The following RANBP2 variants were observed in gnomAD, a reference collection of about 807,000 sequenced individuals.
RANBP2 encodes the protein RAN binding protein 2, also known as E3 SUMO-protein ligase RanBP2.
RANBP2 carries 57 observed loss-of-function variants against 303.6 expected under a neutral mutation model. The observed-to-expected ratio is 0.19, with a 90% CI of 0.15 to 0.23. RANBP2 has a LOEUF of 0.23. Among genes scored for constraint, RANBP2 ranks in the 10% least tolerant of loss-of-function variants. The pLI is 1.00. For missense variants in RANBP2, 3,138 were observed against 3,780.8 expected (o/e 0.83, Z 4.46); for synonymous variants, 1,167 against 1,301.5 (o/e 0.90, Z 2.23).
chr2:109,613,863 A>C, the RANBP2 span: 25 of 1,230,862 alleles, frequency 2.0e-5, no homozygotes, highest in Non-Finnish European at 2.3e-5. Flanking sequence ...CGGCTGTATC[A>C]GCCCGGCCCC....
chr2:109,301,227 G>T, the RANBP2 span, among the ~76,000 whole-genome samples: 1 of 152,118 alleles, frequency 6.6e-6, no homozygotes, highest in Non-Finnish European at 1.5e-5. Flanking sequence ...GGGGTTTGCT[G>T]ATCTCTGTGC....
chr2:108,861,147 A>G, the RANBP2 span, among the ~76,000 whole-genome samples: 1 of 149,542 alleles, frequency 6.7e-6, no homozygotes, highest in Non-Finnish European at 1.5e-5. Flanking sequence ...TTTTTTTTAA[A>G]TTTATTTCTG....
At chr2:109,765,496 C>G in the RANBP2 span, among the ~76,000 whole-genome samples, 5 of 150,202 alleles carry the variant, frequency 3.3e-5, no homozygotes, top group African/African-American at 1.2e-4. Flanking sequence ...GAGAATAAGC[C>G]ATACCCATAA....
the RANBP2 span, among the ~76,000 whole-genome samples, chr2:109,320,705 T>A: frequency 2.0e-5 from 3 of 152,220 alleles, no homozygotes; most frequent in Non-Finnish European, 4.4e-5. Flanking sequence ...TCTGTAAAGA[T>A]ATCAGCCCCG....
the RANBP2 span, chr2:108,929,092 G>A: frequency 2.0e-5 from 26 of 1,315,726 alleles, no homozygotes; most frequent in Non-Finnish European, 2.6e-5. Context: ...CGGCTGCACC[G>A]AGGCCTGCAG....
At chr2:109,636,185 C>T in the RANBP2 span, among the ~76,000 whole-genome samples, 1 of 152,206 alleles carries the variant, frequency 6.6e-6, no homozygotes, top group Non-Finnish European at 1.5e-5. Context: ...AATAAATGTC[C>T]GTTGTCTATA....
At chr2:109,131,725 G>A in the RANBP2 span, among the ~76,000 whole-genome samples, 1 of 152,192 alleles carries the variant, frequency 6.6e-6, no homozygotes, top group Non-Finnish European at 1.5e-5. Flanking sequence ...GAACTTTTTA[G>A]TAGTGACATT....
chr2:108,737,860 CCCA>C (rs1377942347), intron 6 of RANBP2, among the ~76,000 whole-genome samples: 1 of 144,370 alleles, frequency 6.9e-6, no homozygotes, highest in African/African-American at 2.6e-5. Context: ...ACTACAGGCG[CCCA>C]CCACCACGCT....
At chr2:109,707,696 C>T in the RANBP2 span, among the ~76,000 whole-genome samples, 2 of 152,206 alleles carry the variant, frequency 1.3e-5, no homozygotes, top group Non-Finnish European at 1.5e-5. Flanking sequence ...GCGCCCATGC[C>T]GGGCTGGTTG....
the RANBP2 span, among the ~76,000 whole-genome samples, chr2:109,104,651 T>G: frequency 4.6e-5 from 7 of 152,038 alleles, no homozygotes; most frequent in Non-Finnish European, 1.0e-4. Context: ...GCCAGGCTAA[T>G]TTTTGTATTT....
At chr2:108,786,635 C>A, downstream of RANBP2, 1 of 623,598 alleles carries the variant, frequency 1.6e-6, no homozygotes, top group Non-Finnish European at 2.9e-6. Context: ...AGTGCTAGCA[C>A]GAGAAACTTG....
At chr2:108,977,202 A>G in the RANBP2 span, among the ~76,000 whole-genome samples, 1 of 152,122 alleles carries the variant, frequency 6.6e-6, no homozygotes. Context: ...TGACCACCCC[A>G]TGGACCATCA....
chr2:109,384,373 G>C, the RANBP2 span, among the ~76,000 whole-genome samples: 1 of 152,148 alleles, frequency 6.6e-6, no homozygotes, highest in Non-Finnish European at 1.5e-5. Context: ...CAGTTTTCCT[G>C]TCAGCGCTCG....
At chr2:109,574,212 G>A in the RANBP2 span, among the ~76,000 whole-genome samples, 1 of 150,976 alleles carries the variant, frequency 6.6e-6, no homozygotes, top group African/African-American at 2.4e-5. Flanking sequence ...ACCAAGGAAG[G>A]AAAATCACTT....
At chr2:109,407,609 C>A in the RANBP2 span, among the ~76,000 whole-genome samples, 2 of 152,216 alleles carry the variant, frequency 1.3e-5, no homozygotes, top group African/African-American at 4.8e-5. Context: ...GCTCCAGCTC[C>A]AGCTCTCAAC....
At chr2:109,368,936 C>T in the RANBP2 span, among the ~76,000 whole-genome samples, 1 of 152,042 alleles carries the variant, frequency 6.6e-6, no homozygotes, top group African/African-American at 2.4e-5. Flanking sequence ...ATGCCTTGGG[C>T]CTCTGCTGGT....
At chr2:109,056,834 T>C in the RANBP2 span, among the ~76,000 whole-genome samples, 6 of 152,316 alleles carry the variant, frequency 3.9e-5, no homozygotes, top group East Asian at 9.7e-4. Flanking sequence ...TGAGTGAATA[T>C]GCTGTAGGAA....
the RANBP2 span, among the ~76,000 whole-genome samples, chr2:109,160,695 A>G: frequency 2.6e-5 from 4 of 152,198 alleles, no homozygotes; most frequent in Non-Finnish European, 5.9e-5. Flanking sequence ...CTCTGACTGC[A>G]GGGGCTGTGC....
At chr2:108,734,972 G>A (rs1368215711) in intron 4 of RANBP2, among the ~76,000 whole-genome samples, 1 of 152,120 alleles carries the variant, frequency 6.6e-6, no homozygotes, top group East Asian at 1.9e-4. Context: ...GAAGAGCATC[G>A]CAAATGAGAA....
Sources: allele counts gnomAD v4.1 joint callset (sites outside exome capture counted in the v4.1 genomes callset), GRCh38; gene constraint gnomAD v4.1.1; transcripts MANE v1.5; gene names NCBI Gene and HGNC (gene_info 2026-07-23, HGNC 2026-07-21).